SERGEF: variants seen among roughly 807,000 people sequenced by gnomAD.
The protein encoded by SERGEF is secretion-regulating guanine nucleotide exchange factor.
Under a neutral mutation model 50.0 loss-of-function variants are expected in SERGEF, and 51 were observed. That is an observed-to-expected ratio of 1.02 (90% CI 0.81 to 1.29). The LOEUF (loss-of-function observed/expected upper bound fraction) is 1.29. SERGEF is among the 50% of genes most tolerant of loss of function. SERGEF has a pLI of 0.00. For synonymous variants in SERGEF, 205 were observed against 212.4 expected (o/e 0.97, Z 0.30); for missense variants, 521 against 557.0 (o/e 0.94, Z 0.65).
intron 9 of SERGEF, among the ~76,000 whole-genome samples, chr11:17,941,770 T>C (rs943236695): frequency 6.6e-6 from 1 of 152,208 alleles, no homozygotes; most frequent in Admixed American, 6.5e-5. Context: ...AGGGTTCCAA[T>C]TTCTCTACAT....
At chr11:17,986,407 A>G (rs1326098814) in intron 8 of SERGEF, among the ~76,000 whole-genome samples, 6 of 152,256 alleles carry the variant, frequency 3.9e-5, no homozygotes, top group Non-Finnish European at 1.5e-5. Flanking sequence ...CAATGTACAA[A>G]AACAAGCAAT....
intron 9 of SERGEF, among the ~76,000 whole-genome samples, chr11:17,930,643 A>G (rs1852335362): frequency 6.6e-6 from 1 of 152,206 alleles, no homozygotes; most frequent in South Asian, 2.1e-4. Flanking sequence ...GTCTACAAGT[A>G]AGCTTAGTTA....
intron 10 of SERGEF, among the ~76,000 whole-genome samples, chr11:17,856,997 T>C (rs776146482): frequency 1.3e-5 from 2 of 152,212 alleles, no homozygotes; most frequent in African/African-American, 4.8e-5. Context: ...TAGCACTGGT[T>C]TGGTACAAAC....
intron 5 of SERGEF, among the ~76,000 whole-genome samples, chr11:17,999,149 A>G (rs1853906687): frequency 6.6e-6 from 1 of 152,198 alleles, no homozygotes; most frequent in African/African-American, 2.4e-5. Flanking sequence ...TGACAACATC[A>G]TAGAGATGGA....
intron 10 of SERGEF, among the ~76,000 whole-genome samples, chr11:17,828,549 A>G (rs566148650): frequency 3.3e-5 from 5 of 152,272 alleles, no homozygotes; most frequent in African/African-American, 9.6e-5. Context: ...TGTCATCTTG[A>G]TTCTTCAAGG....
At chr11:17,889,476 C>T (rs775232264) in intron 9 of SERGEF, among the ~76,000 whole-genome samples, 10 of 152,098 alleles carry the variant, frequency 6.6e-5, no homozygotes, top group Non-Finnish European at 1.0e-4. Flanking sequence ...AATTGAGGGA[C>T]ATTATATACA....
chr11:17,990,874 C>T (rs1430312440), intron 7 of SERGEF, among the ~76,000 whole-genome samples: 1 of 151,980 alleles, frequency 6.6e-6, no homozygotes, highest in Non-Finnish European at 1.5e-5. Flanking sequence ...TCATGCAATT[C>T]TCCTGCCTCA....
At chr11:17,857,695 G>A (rs1355810971) in intron 10 of SERGEF, among the ~76,000 whole-genome samples, 1 of 152,188 alleles carries the variant, frequency 6.6e-6, no homozygotes, top group Non-Finnish European at 1.5e-5. Flanking sequence ...CTTCAGCTTT[G>A]AGTGGCTTCC....
chr11:18,012,319 G>A (rs908102634), intron 1 of SERGEF, among the ~76,000 whole-genome samples: 4 of 152,128 alleles, frequency 2.6e-5, no homozygotes, highest in African/African-American at 9.7e-5. Context: ...CACCTGCCAC[G>A]CTCCTGTGCA....
chr11:17,983,640 T>C (rs929661606), intron 8 of SERGEF, among the ~76,000 whole-genome samples: 2 of 151,942 alleles, frequency 1.3e-5, no homozygotes, highest in African/African-American at 2.4e-5. Flanking sequence ...AAAGCAAGCA[T>C]GGCTCCTGCC....
At chr11:17,933,965 C>T (rs1214805451) in intron 9 of SERGEF, among the ~76,000 whole-genome samples, 2 of 152,040 alleles carry the variant, frequency 1.3e-5, no homozygotes, top group African/African-American at 2.4e-5. Context: ...TGATGACAGC[C>T]ACAAGAAAGT....
chr11:17,911,938 T>TA (rs910852400), intron 9 of SERGEF, among the ~76,000 whole-genome samples: 33 of 152,198 alleles, frequency 2.2e-4, no homozygotes, highest in Non-Finnish European at 1.9e-4. Context: ...GTTTGGAGTT[T>TA]AAAAAAATGA....
intron 10 of SERGEF, among the ~76,000 whole-genome samples, chr11:17,830,649 G>GGGGGGA (rs1850285342): frequency 1.3e-5 from 1 of 77,726 alleles, no homozygotes; most frequent in Non-Finnish European, 2.2e-5. Context: ...GGAGAGGGAG[G>GGGGGGA]GAGAGAGAGA....
intron 9 of SERGEF, among the ~76,000 whole-genome samples, chr11:17,920,324 TTTC>T (rs1852130972): frequency 2.0e-5 from 3 of 152,210 alleles, no homozygotes; most frequent in Non-Finnish European, 4.4e-5. Flanking sequence ...CTCTCACTTT[TTTC>T]TTCTTTTGAT....
At chr11:17,896,769 G>GGTAAGGGAAGGGTAAGGGAAGC (rs1565198056) in intron 9 of SERGEF, among the ~76,000 whole-genome samples, 50 of 117,436 alleles carry the variant, frequency 4.3e-4, no homozygotes, top group African/African-American at 1.6e-3. Context: ...GGAAGGGAAG[G>GGTAAGGGAAGGGTAAGGGAAGC]GTAAGGGAAG....
intron 10 of SERGEF, among the ~76,000 whole-genome samples, chr11:17,873,828 GCT>G (rs1851195174): frequency 1.3e-5 from 2 of 152,214 alleles, no homozygotes. Context: ...AACGCAGTCA[GCT>G]CTTTTTTCTC....
intron 8 of SERGEF, among the ~76,000 whole-genome samples, chr11:17,982,610 T>C (rs1853515945): frequency 6.6e-6 from 1 of 152,186 alleles, no homozygotes. Flanking sequence ...GAGTAATGTA[T>C]ACTGTCACCC....
chr11:17,956,346 T>C (rs192657134), intron 9 of SERGEF, among the ~76,000 whole-genome samples: 29 of 152,326 alleles, frequency 1.9e-4, no homozygotes, highest in African/African-American at 6.7e-4. Context: ...TGTGACCTTC[T>C]TCAAGCACTT....
chr11:17,957,788 T>C (rs1360999401), intron 9 of SERGEF, among the ~76,000 whole-genome samples: 1 of 150,888 alleles, frequency 6.6e-6, no homozygotes, highest in Non-Finnish European at 1.5e-5. Flanking sequence ...AAAGAATGGT[T>C]TGAGAAATCC....
Sources: gnomAD v4.1 joint callset for allele counts (sites outside exome capture counted in the v4.1 genomes callset) on GRCh38, gnomAD v4.1.1 for gene constraint, MANE v1.5 for transcripts, NCBI Gene and HGNC (gene_info 2026-07-23, HGNC 2026-07-21) for gene names.